The following CNTN5 variants were observed in gnomAD, a reference collection of about 807,000 sequenced individuals.
CNTN5 encodes contactin 5.
Under a neutral mutation model 129.1 loss-of-function variants are expected in CNTN5, and 77 were observed. The observed-to-expected ratio is 0.60, with a 90% CI of 0.50 to 0.72. The LOEUF (loss-of-function observed/expected upper bound fraction) is 0.72, where lower values mean the gene tolerates loss of function less well. CNTN5 is among the 30% of genes least tolerant of loss of function. The pLI is 0.00. For synonymous variants in CNTN5, 509 were observed against 465.6 expected (o/e 1.09, Z -1.20); for missense variants, 1,478 against 1,328.8 (o/e 1.11, Z -1.75).
intron 8 of CNTN5, among the ~76,000 whole-genome samples, chr11:99,973,083 G>T (rs558099592): frequency 6.6e-6 from 1 of 151,816 alleles, no homozygotes; most frequent in Non-Finnish European, 1.5e-5. Context: ...TAACAAAATC[G>T]TGTTGGAGGG....
chr11:99,257,024 A>G (rs1862405498), intron 1 of CNTN5, among the ~76,000 whole-genome samples: 5 of 152,292 alleles, frequency 3.3e-5, no homozygotes, highest in East Asian at 1.9e-4. Flanking sequence ...TGCCCAAATC[A>G]TTCAGATGCC....
chr11:99,052,223 A>G (rs1255055325), intron 1 of CNTN5, among the ~76,000 whole-genome samples: 1 of 151,886 alleles, frequency 6.6e-6, no homozygotes, highest in African/African-American at 2.4e-5. Flanking sequence ...ATATATACAC[A>G]CAGAGAGATA....
At chr11:99,168,260 G>T (rs10892839) in intron 1 of CNTN5, among the ~76,000 whole-genome samples, 102,020 of 151,816 alleles carry the variant, frequency 0.67, 34,678 homozygotes, top group East Asian at 0.94. Context: ...ATGTATTTTT[G>T]TACAGGAAAT....
intron 10 of CNTN5, among the ~76,000 whole-genome samples, chr11:100,066,036 A>T (rs1264627039): frequency 6.6e-6 from 1 of 152,062 alleles, no homozygotes; most frequent in Non-Finnish European, 1.5e-5. Context: ...TCTTGCCTTG[A>T]ATTCTACTGT....
chr11:100,179,761 C>A (rs951527643), intron 13 of CNTN5, among the ~76,000 whole-genome samples: 2 of 151,872 alleles, frequency 1.3e-5, no homozygotes, highest in Non-Finnish European at 2.9e-5. Context: ...ATTGCTAAGC[C>A]AGAACTAATG....
chr11:99,671,329 G>C (rs1353099808), intron 3 of CNTN5, among the ~76,000 whole-genome samples: 1 of 151,986 alleles, frequency 6.6e-6, no homozygotes, highest in Non-Finnish European at 1.5e-5. Context: ...TAATATTTAC[G>C]ACAAAAAGAA....
intron 8 of CNTN5, among the ~76,000 whole-genome samples, chr11:99,961,311 G>A (rs1950941825): frequency 6.6e-6 from 1 of 151,916 alleles, no homozygotes; most frequent in African/African-American, 2.4e-5. Flanking sequence ...TGGACTGGAT[G>A]CATGCATTTG....
chr11:99,312,478 C>T lies in CNTN5; in HGVS notation c.-209-12868C>T, dbSNP rs188276341. On this transcript the variant is annotated intron_variant, in intron 1 of 24. Coordinates refer to ENST00000524871, the MANE Select transcript of CNTN5 (RefSeq NM_014361.4). ...CACAATGCATGACCTGCAAGAAATA[C>T]AATTTTTTCTCCGAATGGTAGTTAA... 2.1e-3 allele frequency among the ~76,000 whole-genome samples: 316 copies of T among 152,232 alleles called. 2 individuals are homozygous for T. The highest frequency in any genetic ancestry group is 6.8e-3 in the Middle Eastern group (2 of 294).
At chr11:100,071,935 C>A (rs922991610) in intron 12 of CNTN5, 101 bp downstream of exon 12, 3 of 1,076,126 alleles carry the variant, frequency 2.8e-6, no homozygotes, top group Non-Finnish European at 3.8e-6. Context: ...TTGTAAAAAT[C>A]TATTTTATGG....
chr11:99,550,603 C>A (rs1480596693), intron 2 of CNTN5, among the ~76,000 whole-genome samples: 1 of 152,062 alleles, frequency 6.6e-6, no homozygotes, highest in Non-Finnish European at 1.5e-5. Context: ...TTCCTTTCAC[C>A]AAAATTTACA....
intron 13 of CNTN5, among the ~76,000 whole-genome samples, chr11:100,098,328 T>C (rs1254866899): frequency 6.6e-6 from 1 of 152,122 alleles, no homozygotes; most frequent in East Asian, 1.9e-4. Context: ...TATAAAGGTT[T>C]AAATATCTAT....
intron 2 of CNTN5, among the ~76,000 whole-genome samples, chr11:99,460,686 T>G (rs1208805772): frequency 6.6e-6 from 1 of 152,004 alleles, no homozygotes; most frequent in Admixed American, 6.6e-5. Flanking sequence ...ACTTTACGAA[T>G]ATAAGAACCA....
At chr11:99,045,097 G>C (rs1864154593) in intron 1 of CNTN5, among the ~76,000 whole-genome samples, 1 of 152,172 alleles carries the variant, frequency 6.6e-6, no homozygotes, top group African/African-American at 2.4e-5. Flanking sequence ...TTATTTTGAA[G>C]TGCTAAAGAA....
intron 3 of CNTN5, among the ~76,000 whole-genome samples, chr11:99,557,618 T>C (rs1025383396): frequency 6.6e-6 from 1 of 151,600 alleles, no homozygotes; most frequent in Non-Finnish European, 1.5e-5. Context: ...TTTTTTAAAT[T>C]ATAATTTTAC....
intron 8 of CNTN5, among the ~76,000 whole-genome samples, chr11:99,967,415 G>A (rs1367346344): frequency 6.6e-6 from 1 of 152,102 alleles, no homozygotes; most frequent in East Asian, 1.9e-4. Context: ...TGAAGCAAAC[G>A]TAACTATCCT....
chr11:99,781,460 T>C (rs548881945), intron 3 of CNTN5, among the ~76,000 whole-genome samples: 10 of 152,242 alleles, frequency 6.6e-5, no homozygotes, highest in Admixed American at 4.6e-4. Flanking sequence ...CTAAGTGATA[T>C]ATTGAAGTTA....
chr11:99,794,813 C>G (rs1321583372), intron 3 of CNTN5, among the ~76,000 whole-genome samples: 2 of 151,904 alleles, frequency 1.3e-5, no homozygotes, highest in Non-Finnish European at 2.9e-5. Context: ...GTGGGACTCC[C>G]TTTGTAGATG....
chr11:99,435,280 A>G (rs1436269792), intron 2 of CNTN5, among the ~76,000 whole-genome samples: 1 of 152,168 alleles, frequency 6.6e-6, no homozygotes, highest in African/African-American at 2.4e-5. Flanking sequence ...TTAAGAAACA[A>G]TGTCCATATC....
chr11:99,666,128 C>T (rs559194946), intron 3 of CNTN5, among the ~76,000 whole-genome samples: 22 of 152,064 alleles, frequency 1.4e-4, no homozygotes, highest in African/African-American at 3.6e-4. Flanking sequence ...TCACCACGCC[C>T]GGCTGATTTT....
Sources: gnomAD v4.1 joint callset for allele counts (sites outside exome capture counted in the v4.1 genomes callset) on GRCh38, gnomAD v4.1.1 for gene constraint, MANE v1.5 for transcripts, NCBI Gene and HGNC (gene_info 2026-07-23, HGNC 2026-07-21) for gene names.